STK10: variants seen among roughly 807,000 people sequenced by gnomAD.
The protein encoded by STK10 is serine/threonine kinase 10.
Under a neutral mutation model 113.8 loss-of-function variants are expected in STK10, and 78 were observed. The ratio of observed to expected loss-of-function variants is 0.69; its 90% CI spans 0.57 to 0.83. The LOEUF is 0.83. Ranked by LOEUF, STK10 falls within the 40% of genes least tolerant of loss-of-function variation. STK10 has a pLI of 0.00. For synonymous variants in STK10, 465 were observed against 494.7 expected (o/e 0.94, Z 0.80); for missense variants, 1,109 against 1,280.1 (o/e 0.87, Z 2.04).
intron 13 of STK10, among the ~76,000 whole-genome samples, chr5:172,064,047 G>T (rs376197769): frequency 1.3e-5 from 2 of 152,086 alleles, no homozygotes; most frequent in Non-Finnish European, 1.5e-5. Flanking sequence ...ACAGGGCTGT[G>T]GGGGGAAGGG....
At chr5:172,057,183 C>A (rs951342534) in intron 15 of STK10, 166 bp downstream of exon 15, 2 of 919,088 alleles carry the variant, frequency 2.2e-6, no homozygotes. Context: ...AAGCAGGACG[C>A]CCCTGGAGAA....
At chr5:172,060,740 G>C (rs1230041636) in intron 14 of STK10, among the ~76,000 whole-genome samples, 1 of 152,212 alleles carries the variant, frequency 6.6e-6, no homozygotes, top group Non-Finnish European at 1.5e-5. Flanking sequence ...CAGAAATGGG[G>C]ATAACCTAGG....
At chr5:172,171,661 G>A (rs1468554354) in intron 1 of STK10, among the ~76,000 whole-genome samples, 2 of 144,232 alleles carry the variant, frequency 1.4e-5, no homozygotes, top group African/African-American at 5.1e-5. Flanking sequence ...GTTGCAGTAA[G>A]CCAAGATCGC....
At chr5:172,167,888 A>G (rs547397355) in intron 1 of STK10, among the ~76,000 whole-genome samples, 3 of 152,306 alleles carry the variant, frequency 2.0e-5, no homozygotes, top group East Asian at 3.9e-4. Context: ...AACTCACTCC[A>G]CTGTCCCAGA....
chr5:172,117,588 C>T lies in STK10; in HGVS notation c.413G>A (p.Cys138Tyr). The T allele has an allele frequency of 6.2e-7, 1 of 1,614,100 alleles. No individual in the cohort carries two copies. The highest frequency in any genetic ancestry group is 8.5e-7 in the Non-Finnish European group (1 of 1,180,034). ...GLTEPQIQVV[C>Y]RQMLEALNFL... ...GTTGAGGGCTTCTAGCATCTGGCGG[C>T]AAACCACCTGTATCTGGGGCTCCGT... The change falls in exon 4 of 19, where the codon TGC becomes TAC. Residue 138 changes from cysteine to tyrosine, a missense_variant. Physicochemically the swap from Cys to Tyr is radical, Grantham distance 194. Around this residue, in one of 5 missense-constraint regions of STK10, gnomAD observed 120 missense variants for 134.8 expected, o/e 0.89. Coordinates refer to ENST00000176763, the MANE Select transcript of STK10 (RefSeq NM_005990.4).
chr5:172,114,462 T>C (rs1419334507), intron 4 of STK10: 2 of 32,732 alleles, frequency 6.1e-5, no homozygotes, highest in Non-Finnish European at 1.3e-4. Context: ...TATATATATA[T>C]ATATATATAT....
intron 2 of STK10, among the ~76,000 whole-genome samples, chr5:172,138,882 C>G (rs111658936): frequency 6.6e-6 from 1 of 152,104 alleles, no homozygotes; most frequent in East Asian, 1.9e-4. Flanking sequence ...GACGTGGTGG[C>G]GGGTGCCTGT....
rs146284779 is a variant in STK10 at position 172,129,321 on chromosome 5, A to G, written c.322-1900T>C. ...TGGAGGGCTGTGTGCCACGGCAGAG[A>G]GCTGTGGAAGGCGGCACGGCCCACT... On this transcript the variant is annotated intron_variant, in intron 2 of 18. Coordinates refer to ENST00000176763, the MANE Select transcript of STK10 (RefSeq NM_005990.4). 2.9e-3 allele frequency among the ~76,000 whole-genome samples: 449 copies of G among 152,254 alleles called. 6 individuals are homozygous for G. Among genetic ancestry groups the G allele is most frequent in the African/African-American group, 9.9e-3 (411 of 41,544 alleles).
chr5:172,139,092 A>G (rs966593533), intron 2 of STK10, among the ~76,000 whole-genome samples: 33 of 152,232 alleles, frequency 2.2e-4, no homozygotes, highest in Non-Finnish European at 7.3e-5. Context: ...GGAAGACTTA[A>G]TATTGTTAAG....
intron 7 of STK10, among the ~76,000 whole-genome samples, chr5:172,097,417 G>C (rs548060985): frequency 6.6e-6 from 1 of 152,304 alleles, no homozygotes; most frequent in East Asian, 1.9e-4. Context: ...CATCACCGGG[G>C]AAGGCTCCCG....
At chr5:172,163,789 G>T (rs1404632143) in intron 1 of STK10, among the ~76,000 whole-genome samples, 1 of 152,110 alleles carries the variant, frequency 6.6e-6, no homozygotes, top group East Asian at 1.9e-4. Flanking sequence ...ACCCTTCCCC[G>T]ATTTTTCTTC....
chr5:172,066,115 G>T (rs61466410), intron 12 of STK10, among the ~76,000 whole-genome samples: 23,417 of 152,076 alleles, frequency 0.15, 2,717 homozygotes, highest in African/African-American at 0.32. Flanking sequence ...GGGGGGAAAG[G>T]CCCGCCTGTG....
At chr5:172,129,030 C>T (rs1769689373) in intron 2 of STK10, among the ~76,000 whole-genome samples, 1 of 152,178 alleles carries the variant, frequency 6.6e-6, no homozygotes, top group African/African-American at 2.4e-5. Flanking sequence ...GGGCTCATGG[C>T]CCAGGTCCAC....
Position 172,121,153 on chromosome 5 carries a change from C to T in STK10, c.371-3523G>A, listed in dbSNP as rs577977354. Among the ~76,000 whole-genome samples, 33 of 151,598 alleles carry T rather than the reference C, an allele frequency of 2.2e-4. No individual in the cohort carries two copies. The South Asian group carries it at 6.5e-3, about 30-fold the overall frequency. ...AAGCAATTCTCCTGCCTCAGCCTCC[C>T]GAGTAGCTGGGATGACAGGCATGTG... is the stretch of plus-strand genomic sequence containing the variant. On this transcript the variant is annotated intron_variant, in intron 3 of 18. Coordinates refer to ENST00000176763, the MANE Select transcript of STK10 (RefSeq NM_005990.4).
At chr5:172,146,954 G>A (rs1356001681) in intron 2 of STK10, among the ~76,000 whole-genome samples, 4 of 152,298 alleles carry the variant, frequency 2.6e-5, no homozygotes, top group East Asian at 1.9e-4. Flanking sequence ...CTCAGGCCCC[G>A]AGACTGCGCC....
At chr5:172,055,116 T>C (rs909154069) in intron 16 of STK10, among the ~76,000 whole-genome samples, 6 of 152,186 alleles carry the variant, frequency 3.9e-5, no homozygotes, top group African/African-American at 1.2e-4. Context: ...GAATTCACCA[T>C]GAGGCTGATG....
At chr5:172,163,759 G>A (rs1167424236) in intron 1 of STK10, among the ~76,000 whole-genome samples, 1 of 152,138 alleles carries the variant, frequency 6.6e-6, no homozygotes, top group Admixed American at 6.6e-5. Flanking sequence ...GGGAATCACT[G>A]CCCTCCCATA....
intron 1 of STK10, among the ~76,000 whole-genome samples, chr5:172,164,443 ACTCT>A (rs980320142): frequency 9.2e-5 from 14 of 152,030 alleles, no homozygotes; most frequent in African/African-American, 3.4e-4. Context: ...AACTTTTACA[ACTCT>A]CTATTAAGGG....
chr5:172,146,201 G>C (rs182735450), intron 2 of STK10, among the ~76,000 whole-genome samples: 2 of 152,210 alleles, frequency 1.3e-5, no homozygotes, highest in African/African-American at 2.4e-5. Flanking sequence ...CTAAACTGCC[G>C]GGCCCACAGC....
Sources: allele counts gnomAD v4.1 joint callset (sites outside exome capture counted in the v4.1 genomes callset), GRCh38; gene constraint gnomAD v4.1.1; regional missense constraint gnomAD v4.1.1; transcripts MANE v1.5; gene names NCBI Gene and HGNC (gene_info 2026-07-23, HGNC 2026-07-21).